ADGRL2: variants seen among roughly 807,000 people sequenced by gnomAD.
ADGRL2 encodes the protein calcium-independent alpha-latrotoxin receptor 2.
A neutral mutation model predicts 157.4 loss-of-function variants in ADGRL2; 44 were observed. The observed-to-expected ratio is 0.28, with a 90% confidence interval of 0.22 to 0.36. ADGRL2 has a LOEUF of 0.36. ADGRL2 is among the 10% of genes least tolerant of loss of function. The probability of loss-of-function intolerance (pLI) is 1.00; values close to 1 mark genes in which losing one functional copy is unlikely to be tolerated. For synonymous variants in ADGRL2, 585 were observed against 624.7 expected (o/e 0.94, Z 0.95); for missense variants, 1,510 against 1,768.9 (o/e 0.85, Z 2.63).
At chr1:81,365,297 G>T (rs749516409) in intron 1 of ADGRL2, among the ~76,000 whole-genome samples, 1 of 152,144 alleles carries the variant, frequency 6.6e-6, no homozygotes, top group African/African-American at 2.4e-5. Context: ...AAACCAAAGC[G>T]AACACTATTA....
At chr1:81,823,991 T>G (rs1037897015) in intron 1 of ADGRL2, among the ~76,000 whole-genome samples, 1 of 152,096 alleles carries the variant, frequency 6.6e-6, no homozygotes, top group Admixed American at 6.5e-5. Flanking sequence ...ATTTGATGTG[T>G]TTTTTTAATT....
chr1:81,943,696 C>T lies in ADGRL2; in HGVS notation c.1137C>T (p.Asn379=). The change falls in exon 6 of 24, where the codon AAC becomes AAT. Residue 379 remains asparagine (N), a synonymous_variant. Transcript: ENST00000686636. This position sits in a 1 kb window ranked among gnomAD's most constrained non-coding sequence, Gnocchi z 5.6. ...IAAVDYNPRD[N]QLYVWNNNFI... ...CAGTGGATTACAATCCAAGAGATAA[C>T]CAACTTTACGTGTGGAACAATAACT... 1 of 1,613,594 alleles carries T rather than the reference C, an allele frequency of 6.2e-7. No homozygotes were observed. Among genetic ancestry groups the T allele is most frequent in the Non-Finnish European group, 8.5e-7 (1 of 1,179,618 alleles).
rs202009316 is a variant in ADGRL2 at position 81,951,915 on chromosome 1, GAA to G, written c.1609-34_1609-33del. 5 of 1,499,176 alleles carry G rather than the reference GAA, an allele frequency of 3.3e-6. No individual in the cohort carries two copies. The East Asian group carries it at 1.2e-4, about 35-fold the overall frequency. The allele number at this position is 1,499,176 out of a possible 1,614,324, so 92.9% of individuals were successfully genotyped here. On this transcript the variant is annotated intron_variant, in intron 8 of 23. Transcript: ENST00000686636. ...CAAGGAGAACTAGAAGCTGTAAACAGAAAAAAAAATTTAAATGAGATAATACA... is the reference window on the plus strand; with the variant it reads ...CAAGGAGAACTAGAAGCTGTAAACAGAAAAAAATTTAAATGAGATAATACA...
intron 2 of ADGRL2, among the ~76,000 whole-genome samples, chr1:81,579,928 T>C (rs1463299001): frequency 1.3e-5 from 2 of 152,178 alleles, no homozygotes; most frequent in African/African-American, 4.8e-5. Context: ...TTACCTGGCA[T>C]TCCATTTTTA....
intron 2 of ADGRL2, chr1:81,503,376 C>T: frequency 1.1e-5 from 17 of 1,613,866 alleles, no homozygotes; most frequent in East Asian, 6.7e-5. Context: ...TCGGCAGCAG[C>T]GCCAGCAGCA....
chr1:81,379,895 C>T (rs2076314718), intron 1 of ADGRL2, among the ~76,000 whole-genome samples: 1 of 152,212 alleles, frequency 6.6e-6, no homozygotes, highest in South Asian at 2.1e-4. Flanking sequence ...GCAGAAGTGC[C>T]TGTCCTCACC....
chr1:81,453,786 G>A (rs2077747414), intron 2 of ADGRL2, among the ~76,000 whole-genome samples: 1 of 152,076 alleles, frequency 6.6e-6, no homozygotes, highest in Non-Finnish European at 1.5e-5. Context: ...GTCATTTGTG[G>A]CATCATTAGC....
At chr1:81,315,360 T>C (rs1660034684) in intron 1 of ADGRL2, among the ~76,000 whole-genome samples, 1 of 152,144 alleles carries the variant, frequency 6.6e-6, no homozygotes. Context: ...CAGATTGCTT[T>C]TTTCCCAATG....
intron 2 of ADGRL2, among the ~76,000 whole-genome samples, chr1:81,532,972 C>CTATCATCT (rs200154872): frequency 2.0e-4 from 28 of 137,600 alleles, no homozygotes; most frequent in Middle Eastern, 3.6e-3. Flanking sequence ...ATCTATCTAT[C>CTATCATCT]ATCTATCTAT....
chr1:81,422,938 A>G (rs1570926612), intron 1 of ADGRL2, among the ~76,000 whole-genome samples: 1 of 152,170 alleles, frequency 6.6e-6, no homozygotes, highest in East Asian at 1.9e-4. Flanking sequence ...TACAGCCTCC[A>G]CACTGTTCCC....
At chr1:81,937,764 T>C (rs1048678549) in intron 4 of ADGRL2, among the ~76,000 whole-genome samples, 4 of 150,450 alleles carry the variant, frequency 2.7e-5, no homozygotes, top group African/African-American at 9.7e-5. Context: ...TTTCCTCCTT[T>C]AAAAAAAAAG....
chr1:81,351,395 T>TA (rs1404342675), intron 1 of ADGRL2, among the ~76,000 whole-genome samples: 1 of 152,164 alleles, frequency 6.6e-6, no homozygotes, highest in Non-Finnish European at 1.5e-5. Flanking sequence ...GAATTACACT[T>TA]ACTTCCCACC....
rs547139718 is a variant in ADGRL2, at chr1:81,346,299, G to T, written c.-302+39790G>T. Among the ~76,000 whole-genome samples the T allele has an allele frequency of 3.3e-4, 50 of 152,232 alleles. 2 individuals carry two copies. The East Asian group carries it at 4.6e-3, about 14-fold the overall frequency. ...TTTTGCAATTGCTATAATCCTTTGGGCTACTGTGAACACCCACTCCACATC... is the reference window on the plus strand; with the variant it reads ...TTTTGCAATTGCTATAATCCTTTGGTCTACTGTGAACACCCACTCCACATC... On this transcript the variant is annotated intron_variant, in intron 1 of 24. Transcript: ENST00000370721.
chr1:81,388,278 G>C (rs2076473704), intron 1 of ADGRL2, among the ~76,000 whole-genome samples: 1 of 152,048 alleles, frequency 6.6e-6, no homozygotes, highest in Non-Finnish European at 1.5e-5. Flanking sequence ...GCCTAGCATG[G>C]AAGTGCCTTC....
intron 2 of ADGRL2, among the ~76,000 whole-genome samples, chr1:81,501,374 A>C (rs2078842832): frequency 6.6e-6 from 1 of 152,210 alleles, no homozygotes; most frequent in Non-Finnish European, 1.5e-5. Flanking sequence ...TGATTTTACT[A>C]GCTCTCTGGG....
rs1164087131 is a variant in ADGRL2, at chr1:81,616,679, C to CTTTTTTTTTT, written c.-143+35705_-143+35714dup. Among the ~76,000 whole-genome samples, 133 of 105,920 alleles carry CTTTTTTTTTT rather than the reference C, an allele frequency of 1.3e-3. 1 individual carries two copies. The highest frequency in any genetic ancestry group is 0.014 in the Middle Eastern group (2 of 146). 69.5% of individuals were successfully genotyped at this position (105,920 alleles called of 152,430 possible). A position where few individuals can be genotyped will look rare whatever the true frequency, so the allele number is the denominator to read the frequency against. On this transcript the variant is annotated intron_variant, in intron 3 of 24. Coordinates refer to the ADGRL2 transcript ENST00000370721. ...TTTTTCTTTTCTTTTCTTTTCTTTT[C>CTTTTTTTTTT]TTTTTTTTTTTTTTTGAGACAGGGT...
At chr1:81,756,734 A>G (rs181727090) in intron 1 of ADGRL2, among the ~76,000 whole-genome samples, 2 of 152,270 alleles carry the variant, frequency 1.3e-5, no homozygotes, top group Admixed American at 6.5e-5. Flanking sequence ...TAGGCCAGCA[A>G]TATGTCTTTC....
intron 3 of ADGRL2, among the ~76,000 whole-genome samples, chr1:81,650,582 A>T (rs978687960): frequency 3.3e-5 from 5 of 151,660 alleles, no homozygotes; most frequent in African/African-American, 7.2e-5. Context: ...CTCAAAAAAA[A>T]AAAAAAAAAA....
intron 3 of ADGRL2, among the ~76,000 whole-genome samples, chr1:81,673,510 A>ATTTTTTTTTTTTTTTTTTTTTT (rs35732882): frequency 1.0e-5 from 1 of 100,154 alleles, no homozygotes; most frequent in Non-Finnish European, 1.9e-5. Flanking sequence ...TGTGCCTTCT[A>ATTTTTTTTTTTTTTTTTTTTTT]TTTTTTTTTT....
Sources: allele counts gnomAD v4.1 joint callset (sites outside exome capture counted in the v4.1 genomes callset), GRCh38; gene constraint gnomAD v4.1.1; non-coding constraint Gnocchi (gnomAD v3.1); transcripts MANE v1.5; gene names NCBI Gene and HGNC (gene_info 2026-07-23, HGNC 2026-07-21).